Variants in MDFIC observed in about 807,000 individuals in gnomAD.
MDFIC encodes MyoD family inhibitor domain containing, also known as myoD family inhibitor domain-containing protein.
Under a neutral mutation model 23.2 loss-of-function variants are expected in MDFIC, and 17 were observed. The observed-to-expected ratio is 0.73, with a 90% CI of 0.50 to 1.10. The LOEUF (loss-of-function observed/expected upper bound fraction) is 1.10. Among genes scored for constraint, MDFIC ranks in the 50% least tolerant of loss-of-function variants. The pLI is 0.00. For missense variants in MDFIC, 356 were observed against 316.6 expected (o/e 1.12, Z -0.95); for synonymous variants, 120 against 115.2 (o/e 1.04, Z -0.27).
intron 3 of MDFIC, among the ~76,000 whole-genome samples, chr7:114,966,236 A>T (rs1346965505): frequency 2.0e-5 from 3 of 152,128 alleles, no homozygotes; most frequent in South Asian, 2.1e-4. Flanking sequence ...AATGTCAAAG[A>T]TAATAGTCAG....
At position 115,015,841 on chromosome 7, in the gene MDFIC, G is replaced by A; in HGVS notation, c.647G>A (p.Cys216Tyr). The change falls in exon 5 of 5, where the codon TGT becomes TAT. Residue 216 changes from cysteine to tyrosine, a missense_variant. Coordinates refer to ENST00000393486, the MANE Select transcript of MDFIC (RefSeq NM_001166345.3). ...ATGGGGGATGATTGTAACTGCCCTT[G>A]TGATATGGACTGTGGCATCATGGAT... Reference protein sequence around the residue: ...DEMGDDCNCPCDMDCGIMDAC... With the variant: ...DEMGDDCNCPYDMDCGIMDAC... The A allele has an allele frequency of 1.2e-6, 2 of 1,614,206 alleles. No homozygotes were observed. The highest frequency in any genetic ancestry group is 1.7e-6 in the Non-Finnish European group (2 of 1,180,036).
chr7:114,922,666 G>T, intron 1 of MDFIC, 30 bp downstream of exon 1: 1 of 1,324,112 alleles, frequency 7.6e-7, no homozygotes, highest in Non-Finnish European at 9.7e-7. Flanking sequence ...CGGGGAAGAG[G>T]AGGGGTTTGA....
At chr7:114,943,634 G>T (rs1364164252) in intron 3 of MDFIC, among the ~76,000 whole-genome samples, 1 of 152,098 alleles carries the variant, frequency 6.6e-6, no homozygotes, top group Non-Finnish European at 1.5e-5. Context: ...ATATTTATCT[G>T]AAAAACATAT....
intron 4 of MDFIC, among the ~76,000 whole-genome samples, chr7:114,990,504 C>G (rs1300797363): frequency 6.6e-6 from 1 of 152,180 alleles, no homozygotes; most frequent in Admixed American, 6.6e-5. Context: ...TCCCCTCTGC[C>G]TGCCCCACGA....
At chr7:114,978,407 G>A (rs1444450147) in intron 3 of MDFIC, among the ~76,000 whole-genome samples, 1 of 151,950 alleles carries the variant, frequency 6.6e-6, no homozygotes, top group East Asian at 1.9e-4. Context: ...CCACTTATTT[G>A]GGTTTTTTCT....
At position 114,923,095 on chromosome 7, in the gene MDFIC, C is replaced by G; in HGVS notation, c.62C>G (p.Ala21Gly). ...GPVGPQRVAE[A>G]GGGQLGSTAQ... ...GTGGGGCCGCAGCGCGTGGCCGAGG[C>G]GGGCGGCGGCCAGCTGGGCTCCACA... Residue 21 changes from alanine (A) to glycine (G), a missense_variant, in exon 2 of 5, where the codon GCG becomes GGG. Ala to Gly is a moderately conservative substitution (Grantham distance 60). Coordinates refer to ENST00000393486, the MANE Select transcript of MDFIC (RefSeq NM_001166345.3). 1 of 1,444,170 alleles carries G rather than the reference C, an allele frequency of 6.9e-7. No individual in the cohort carries two copies. The highest frequency in any genetic ancestry group is 9.1e-7 in the Non-Finnish European group (1 of 1,100,500). The allele number at this position is 1,444,170 out of a possible 1,614,324, so 89.5% of individuals were successfully genotyped here.
Position 115,014,527 on chromosome 7 carries a change from G to A in MDFIC, c.494-1161G>A, listed in dbSNP as rs1046378845. ...AAATACAGAAACACAAAGGACATGT[G>A]ACAATGGTAAGAGGGTGGGGTTGTT... On this transcript the variant is annotated intron_variant, in intron 4 of 4. Transcript: ENST00000393486. The A allele has an allele frequency of 1.6e-5, 21 of 1,289,008 alleles. No individual in the cohort carries two copies. The South Asian group carries it at 2.3e-4, about 14-fold the overall frequency. 79.8% of individuals were successfully genotyped at this position (1,289,008 alleles called of 1,614,324 possible). A position where few individuals can be genotyped will look rare whatever the true frequency, so the allele number is the denominator to read the frequency against.
chr7:114,967,461 A>C (rs1355538392), intron 3 of MDFIC, among the ~76,000 whole-genome samples: 2 of 152,246 alleles, frequency 1.3e-5, no homozygotes, highest in East Asian at 3.8e-4. Flanking sequence ...CAGATGAGAA[A>C]GTTGACATGC....
At chr7:114,967,374 C>T (rs1793118248) in intron 3 of MDFIC, among the ~76,000 whole-genome samples, 2 of 152,160 alleles carry the variant, frequency 1.3e-5, no homozygotes, top group South Asian at 4.1e-4. Context: ...AATGCCCCCT[C>T]TTTTCAAGGC....
chr7:114,993,475 C>T (rs1791237561), intron 4 of MDFIC, among the ~76,000 whole-genome samples: 1 of 152,156 alleles, frequency 6.6e-6, no homozygotes, highest in African/African-American at 2.4e-5. Context: ...CCTGCTTTCT[C>T]TTGTGGGCAT....
chr7:114,989,794 T>C (rs971941047), intron 4 of MDFIC, among the ~76,000 whole-genome samples: 3 of 152,192 alleles, frequency 2.0e-5, no homozygotes, highest in Non-Finnish European at 2.9e-5. Flanking sequence ...TAAAAAGCCT[T>C]TCTCAAATCC....
At chr7:114,968,123 G>A (rs946354731) in intron 3 of MDFIC, among the ~76,000 whole-genome samples, 2 of 152,046 alleles carry the variant, frequency 1.3e-5, no homozygotes, top group East Asian at 1.9e-4. Context: ...AGCCTCAATC[G>A]TGTTAATCTT....
At position 114,946,457 on chromosome 7, in the gene MDFIC, A is replaced by C. The variant is rs1792647171; in HGVS notation, c.217+4060A>C. On this transcript the variant is annotated intron_variant, in intron 3 of 4. Coordinates refer to ENST00000393486, the MANE Select transcript of MDFIC (RefSeq NM_001166345.3). ...TTATCCTTGGACATTGCTTTTACAT[A>C]AACGTCTGCTAATTCTAAATGTCAT... Among the ~76,000 whole-genome samples, 3 of 152,148 alleles carry C rather than the reference A, an allele frequency of 2.0e-5. No individual in the cohort carries two copies. In the South Asian group the frequency reaches 6.2e-4, roughly 31 times the overall value.
At chr7:114,957,099 T>C (rs1391050171) in intron 3 of MDFIC, among the ~76,000 whole-genome samples, 2 of 152,170 alleles carry the variant, frequency 1.3e-5, no homozygotes, top group Non-Finnish European at 1.5e-5. Flanking sequence ...AAAAGAATGA[T>C]TATAATTTGC....
chr7:114,941,393 A>G (rs1033472923), intron 2 of MDFIC, among the ~76,000 whole-genome samples: 2 of 152,170 alleles, frequency 1.3e-5, no homozygotes, highest in African/African-American at 4.8e-5. Flanking sequence ...TGCCACTCAT[A>G]GTACTTCACA....
At chr7:115,004,893 C>T (rs554588359) in intron 4 of MDFIC, among the ~76,000 whole-genome samples, 11 of 152,176 alleles carry the variant, frequency 7.2e-5, no homozygotes, top group Non-Finnish European at 1.5e-4. Flanking sequence ...TCAGCATCTA[C>T]GACAAGGCAG....
At chr7:114,958,056 A>G (rs1792916068) in intron 3 of MDFIC, among the ~76,000 whole-genome samples, 1 of 152,232 alleles carries the variant, frequency 6.6e-6, no homozygotes, top group Non-Finnish European at 1.5e-5. Flanking sequence ...AAAACTTATC[A>G]TTGTGAAATA....
Position 114,983,764 on chromosome 7 carries a change from T to A in MDFIC, c.493+3983T>A, listed in dbSNP as rs183352248. The stretch of plus-strand genomic sequence containing the variant: ...TTTTGTATTTTTAGTAGAGATGGGG[T>A]TTCACCACGTTGGCCAGGCTGGTCT... On this transcript the variant is annotated intron_variant, in intron 4 of 4. Coordinates refer to ENST00000393486, the MANE Select transcript of MDFIC (RefSeq NM_001166345.3). Among the ~76,000 whole-genome samples the A allele has an allele frequency of 4.6e-3, 694 of 151,786 alleles. 5 individuals are homozygous for A. Among genetic ancestry groups the A allele is most frequent in the African/African-American group, 0.016 (666 of 41,320 alleles).
intron 4 of MDFIC, among the ~76,000 whole-genome samples, chr7:115,010,138 G>A (rs1343214116): frequency 1.3e-5 from 2 of 152,106 alleles, no homozygotes; most frequent in African/African-American, 4.8e-5. Flanking sequence ...TTTAAAAAAA[G>A]TTTGTTTCTC....
Sources: gnomAD v4.1 joint callset for allele counts (sites outside exome capture counted in the v4.1 genomes callset) on GRCh38, gnomAD v4.1.1 for gene constraint, MANE v1.5 for transcripts, NCBI Gene and HGNC (gene_info 2026-07-23, HGNC 2026-07-21) for gene names.